FREM2: variants seen among roughly 807,000 people sequenced by gnomAD.
FREM2 encodes FRAS1 related extracellular matrix 2, also known as FRAS1-related extracellular matrix protein 2.
In FREM2, 119 loss-of-function variants were observed where a neutral mutation model predicts 219.9. The ratio of observed to expected loss-of-function variants is 0.54; its 90% confidence interval spans 0.47 to 0.63. The LOEUF is 0.63. Among genes scored for constraint, FREM2 ranks in the 30% least tolerant of loss-of-function variants. The pLI is 0.00. For missense variants in FREM2, 4,030 were observed against 3,993.6 expected, an observed-to-expected ratio of 1.01 and a Z score of -0.25; for synonymous variants, 1,562 against 1,522.8, an observed-to-expected ratio of 1.03 and a Z score of -0.60.
chr13:38,727,851 A>G (rs996004324), intron 2 of FREM2, among the ~76,000 whole-genome samples: 3 of 152,230 alleles, frequency 2.0e-5, no homozygotes, highest in African/African-American at 7.2e-5. Context: ...GCACAAATGG[A>G]ACAAATCAGA....
rs918906995 is a variant in FREM2, at chr13:38,883,731, A to G, written c.*2944A>G. On this transcript the variant is annotated 3_prime_UTR_variant, in exon 24 of 24. Coordinates refer to ENST00000280481, the MANE Select transcript of FREM2 (RefSeq NM_207361.6). ...TTTATTTGGACTAAAGTGTCAGGAT[A>G]TGCATTAGATTCTCTCCTGAACCAA... The G allele has an allele frequency of 1.3e-5, 2 of 152,190 alleles. No homozygotes were observed. The highest frequency in any genetic ancestry group is 4.8e-5 in the African/African-American group (2 of 41,454). 9.4% of individuals were successfully genotyped at this position (152,190 alleles called of 1,614,324 possible). A position where few individuals can be genotyped will look rare whatever the true frequency, so the allele number is the denominator to read the frequency against.
chr13:38,807,189 T>TTATATATATATATATATATATATATA (rs59551341), intron 6 of FREM2, among the ~76,000 whole-genome samples: 1 of 45,384 alleles, frequency 2.2e-5, no homozygotes, highest in Non-Finnish European at 4.5e-5. Flanking sequence ...CTTGTCTCTG[T>TTATATATATATATATATATATATATA]TATATATATA....
In FREM2 at chr13:38,878,957, G is replaced by C; in HGVS notation, c.8986G>C (p.Asp2996His). The change falls in exon 23 of 24, where the codon GAC becomes CAC. Residue 2996 changes from aspartate (D) to histidine (H), a missense_variant. Physicochemically the swap from Asp to His is moderately conservative, Grantham distance 81 (BLOSUM62 -1). Around this residue, in one of 2 missense-constraint regions of FREM2, gnomAD observed 928 missense variants for 1,042.9 expected, o/e 0.89. Coordinates refer to ENST00000280481, the MANE Select transcript of FREM2 (RefSeq NM_207361.6). The stretch of plus-strand genomic sequence containing the variant: ...GCCTGGATCTGATGGATTTAAAGTC[G>C]ACTCAACACCACTCTTTCAGGTAGG... Reference protein sequence around the residue: ...NQPGSDGFKVDSTPLFQVALG... With the variant: ...NQPGSDGFKVHSTPLFQVALG... 1 of 1,614,130 alleles carries C rather than the reference G, an allele frequency of 6.2e-7. No individual in the cohort carries two copies. The highest frequency in any genetic ancestry group is 8.5e-7 in the Non-Finnish European group (1 of 1,180,010).
chr13:38,753,699 G>A (rs1329982497), intron 2 of FREM2, among the ~76,000 whole-genome samples: 1 of 152,210 alleles, frequency 6.6e-6, no homozygotes, highest in East Asian at 1.9e-4. Context: ...GAGAGTTCAT[G>A]TTGCAGTTAT....
intron 17 of FREM2, 115 bp from the exon 18 acceptor site, chr13:38,874,367 C>G: frequency 1.3e-6 from 1 of 798,672 alleles, no homozygotes; most frequent in Non-Finnish European, 2.2e-6. Flanking sequence ...TGATAATACC[C>G]TTTGCCCAGA....
chr13:38,798,600 C>G (rs554024134), intron 6 of FREM2, among the ~76,000 whole-genome samples: 7 of 152,156 alleles, frequency 4.6e-5, no homozygotes, highest in African/African-American at 1.7e-4. Context: ...AAGTCCTGAG[C>G]TTTTCTTTGT....
At chr13:38,789,444 CCT>C (rs760233464) in intron 6 of FREM2, among the ~76,000 whole-genome samples, 21 of 149,962 alleles carry the variant, frequency 1.4e-4, no homozygotes, top group African/African-American at 2.4e-4. Context: ...GTTCTTCTAT[CCT>C]CTCTCTCTCT....
intron 5 of FREM2, among the ~76,000 whole-genome samples, chr13:38,784,068 C>T (rs541701181): frequency 1.1e-4 from 17 of 152,336 alleles, no homozygotes; most frequent in Middle Eastern, 3.4e-3. Flanking sequence ...CATTGCATTC[C>T]GGCCTGGGCA....
chr13:38,721,220 G>A (rs1871229424), intron 2 of FREM2, among the ~76,000 whole-genome samples: 1 of 151,798 alleles, frequency 6.6e-6, no homozygotes, highest in Admixed American at 6.6e-5. Flanking sequence ...TTTGGTAGAG[G>A]CAGAAAAAAA....
chr13:38,826,533 T>G (rs1053484828), intron 6 of FREM2, among the ~76,000 whole-genome samples: 1 of 152,106 alleles, frequency 6.6e-6, no homozygotes, highest in Admixed American at 6.6e-5. Context: ...TTTTGCTGTT[T>G]ACTCTGGAGT....
chr13:38,870,682 G>C (rs1878126503), intron 16 of FREM2, among the ~76,000 whole-genome samples: 1 of 152,074 alleles, frequency 6.6e-6, no homozygotes, highest in African/African-American at 2.4e-5. Context: ...TGGGTACTAA[G>C]AAAATGCAAT....
chr13:38,720,387 A>G (rs909496214), intron 2 of FREM2, among the ~76,000 whole-genome samples: 2 of 152,318 alleles, frequency 1.3e-5, no homozygotes, highest in South Asian at 2.1e-4. Context: ...TACTGACTTC[A>G]TAGTATATGC....
chr13:38,752,689 A>G (rs1872827170), intron 2 of FREM2, among the ~76,000 whole-genome samples: 1 of 152,216 alleles, frequency 6.6e-6, no homozygotes, highest in South Asian at 2.1e-4. Flanking sequence ...ATGTGGATAT[A>G]CCACATTTTC....
chr13:38,776,672 G>T (rs1332821591), intron 4 of FREM2, among the ~76,000 whole-genome samples: 1 of 151,956 alleles, frequency 6.6e-6, no homozygotes, highest in East Asian at 1.9e-4. Flanking sequence ...CATGTTCATT[G>T]TCAAAAACGA....
In FREM2 at chr13:38,714,685, C is replaced by T. The variant is rs76847642; in HGVS notation, c.5263+16898C>T. Reference sequence around the variant, plus strand: ...ATTCCACAATATATACATACTTCAACGTATACACATTTGGTCATTTCACAA... The same window carrying T: ...ATTCCACAATATATACATACTTCAATGTATACACATTTGGTCATTTCACAA... On this transcript the variant is annotated intron_variant, in intron 2 of 23. Transcript: ENST00000280481. 3.8e-3 allele frequency among the ~76,000 whole-genome samples: 573 copies of T among 152,076 alleles called. 2 individuals are homozygous for T. The highest frequency in any genetic ancestry group is 0.012 in the African/African-American group (478 of 41,482).
Position 38,689,607 on chromosome 13 carries a change from C to T in FREM2, c.2263C>T (p.Pro755Ser). ...PPTDTDENHL[P>S]APLGTLVLTD... The stretch of plus-strand genomic sequence containing the variant: ...CACAGACACAGACGAAAATCACCTG[C>T]CAGCCCCACTGGGTACCTTGGTCTT... The change falls in exon 1 of 24, where the codon CCA becomes TCA. Residue 755 changes from proline to serine, a missense_variant. Coordinates refer to ENST00000280481, the MANE Select transcript of FREM2 (RefSeq NM_207361.6). 1 of 1,613,372 alleles carries T rather than the reference C, an allele frequency of 6.2e-7. No individual in the cohort carries two copies. Among genetic ancestry groups the T allele is most frequent in the Non-Finnish European group, 8.5e-7 (1 of 1,179,632 alleles).
intron 6 of FREM2, among the ~76,000 whole-genome samples, chr13:38,845,492 G>A (rs546294000): frequency 6.6e-6 from 1 of 152,178 alleles, no homozygotes; most frequent in South Asian, 2.1e-4. Flanking sequence ...CAAGTCAAAG[G>A]GTTGTTCACC....
intron 4 of FREM2, 87 bp downstream of exon 4, chr13:38,769,895 A>G (rs1186532886): frequency 5.7e-5 from 55 of 969,560 alleles, no homozygotes; most frequent in Non-Finnish European, 8.6e-5. Flanking sequence ...ACAGTTTTAA[A>G]TTCAATGTTT....
chr13:38,795,728 C>T (rs1341372404), intron 6 of FREM2, among the ~76,000 whole-genome samples: 2 of 152,148 alleles, frequency 1.3e-5, no homozygotes, highest in Non-Finnish European at 2.9e-5. Flanking sequence ...ACACACCTCT[C>T]TTTATCCCCA....
Sources: allele counts gnomAD v4.1 joint callset (sites outside exome capture counted in the v4.1 genomes callset), GRCh38; gene constraint gnomAD v4.1.1; regional missense constraint gnomAD v4.1.1; transcripts MANE v1.5; gene names NCBI Gene and HGNC (gene_info 2026-07-23, HGNC 2026-07-21).